The following LIN52 variants were observed in gnomAD, a reference collection of about 807,000 sequenced individuals.
The protein encoded by LIN52 is lin-52 DREAM MuvB core complex component.
LIN52 carries 4 observed loss-of-function variants against 18.5 expected under a neutral mutation model. That is an observed-to-expected ratio of 0.22 (90% CI 0.11 to 0.49). The LOEUF is 0.49. Among genes scored for constraint, LIN52 ranks in the 20% least tolerant of loss-of-function variants. LIN52 has a pLI of 0.97. For missense variants in LIN52, 102 were observed against 139.5 expected (o/e 0.73, Z 1.35); for synonymous variants, 34 against 45.5 (o/e 0.75, Z 1.02).
chr14:74,172,802 C>A (rs2061277191), intron 5 of LIN52, among the ~76,000 whole-genome samples: 1 of 152,158 alleles, frequency 6.6e-6, no homozygotes, highest in African/African-American at 2.4e-5. Flanking sequence ...TGAATGGCAA[C>A]CATGTAACTA....
chr14:74,172,392 A>G lies in LIN52; in HGVS notation c.284-26530A>G, dbSNP rs575214855. Among the ~76,000 whole-genome samples the G allele has an allele frequency of 2.6e-5, 4 of 152,334 alleles. No individual in the cohort carries two copies. In the East Asian group the frequency reaches 5.8e-4, roughly 22 times the overall value. On this transcript the variant is annotated intron_variant, in intron 5 of 5. Coordinates refer to ENST00000555028, the MANE Select transcript of LIN52 (RefSeq NM_001024674.3). The stretch of plus-strand genomic sequence containing the variant: ...TCTCTCTCTCAGTTCCTTCATTTAT[A>G]AAATGAGAATAATAAATTATATCTA...
intron 5 of LIN52, among the ~76,000 whole-genome samples, chr14:74,106,716 A>G (rs2060899141): frequency 6.6e-6 from 1 of 152,162 alleles, no homozygotes; most frequent in Non-Finnish European, 1.5e-5. Context: ...TCAGCCGTCC[A>G]AGTAGCTGAG....
chr14:74,167,527 A>G (rs12879392), intron 5 of LIN52, among the ~76,000 whole-genome samples: 1 of 152,104 alleles, frequency 6.6e-6, no homozygotes, highest in African/African-American at 2.4e-5. Flanking sequence ...CAGCCTCCCA[A>G]AGTGTTGGGA....
At chr14:74,190,189 A>T (rs1323499558) in intron 5 of LIN52, among the ~76,000 whole-genome samples, 2 of 152,116 alleles carry the variant, frequency 1.3e-5, no homozygotes, top group Non-Finnish European at 2.9e-5. Flanking sequence ...TGGCCACTGC[A>T]CGCTTTTGGA....
chr14:74,154,601 G>A (rs1015785668), intron 5 of LIN52, among the ~76,000 whole-genome samples: 15 of 152,062 alleles, frequency 9.9e-5, no homozygotes, highest in African/African-American at 3.4e-4. Context: ...CACCTATTGG[G>A]GCAGTTGGGA....
intron 5 of LIN52, among the ~76,000 whole-genome samples, chr14:74,189,688 G>C (rs773358701): frequency 3.3e-5 from 5 of 152,154 alleles, no homozygotes; most frequent in Non-Finnish European, 7.4e-5. Flanking sequence ...TGACAATTAA[G>C]ATTCTTCTAC....
chr14:74,175,752 C>CACCCA, intron 5 of LIN52, among the ~76,000 whole-genome samples: 1 of 116,138 alleles, frequency 8.6e-6, no homozygotes, highest in South Asian at 2.7e-4. Flanking sequence ...ACACACACAC[C>CACCCA]CCCATTATAC....
intron 5 of LIN52, among the ~76,000 whole-genome samples, chr14:74,156,874 C>T (rs2061200943): frequency 6.6e-6 from 1 of 152,104 alleles, no homozygotes; most frequent in Non-Finnish European, 1.5e-5. Context: ...TTAGCTTTTA[C>T]ATATGAGTGA....
At chr14:74,176,350 G>A (rs1440232348) in intron 5 of LIN52, among the ~76,000 whole-genome samples, 2 of 152,024 alleles carry the variant, frequency 1.3e-5, no homozygotes, top group African/African-American at 4.8e-5. Flanking sequence ...GACCTCAAGT[G>A]ATCCGCCTGC....
intron 2 of LIN52, among the ~76,000 whole-genome samples, 199 bp downstream of exon 2, chr14:74,091,505 A>G (rs918325984): frequency 1.3e-5 from 2 of 152,156 alleles, no homozygotes; most frequent in Admixed American, 6.5e-5. Flanking sequence ...TTGTTGGCTC[A>G]TGCCTGTAAT....
intron 5 of LIN52, among the ~76,000 whole-genome samples, chr14:74,122,250 T>G (rs1363740788): frequency 1.3e-5 from 2 of 152,236 alleles, no homozygotes; most frequent in African/African-American, 2.4e-5. Flanking sequence ...TTTTTGAGTT[T>G]GTTAATTATA....
intron 5 of LIN52, among the ~76,000 whole-genome samples, chr14:74,143,830 C>A (rs375860310): frequency 6.6e-6 from 1 of 152,056 alleles, no homozygotes; most frequent in Non-Finnish European, 1.5e-5. Flanking sequence ...ATATGTGATA[C>A]CTTACTGTTA....
At chr14:74,158,476 T>G (rs2061210459) in intron 5 of LIN52, among the ~76,000 whole-genome samples, 3 of 117,740 alleles carry the variant, frequency 2.5e-5, no homozygotes, top group South Asian at 4.7e-4. Flanking sequence ...ATTTATTTAC[T>G]TGTTTGTTTA....
At chr14:74,134,449 A>G (rs1595169775) in intron 5 of LIN52, among the ~76,000 whole-genome samples, 1 of 152,200 alleles carries the variant, frequency 6.6e-6, no homozygotes, top group East Asian at 1.9e-4. Context: ...ATGACCTCCT[A>G]GGATAACTGT....
chr14:74,100,686 G>C (rs1389535183), intron 4 of LIN52, among the ~76,000 whole-genome samples: 2 of 152,178 alleles, frequency 1.3e-5, no homozygotes, highest in African/African-American at 4.8e-5. Context: ...AGGTTGGCCA[G>C]GCTGGTCTCA....
chr14:74,198,716 A>C (rs2078929460), intron 5 of LIN52, among the ~76,000 whole-genome samples: 1 of 152,240 alleles, frequency 6.6e-6, no homozygotes, highest in Non-Finnish European at 1.5e-5. Flanking sequence ...CTCAATTGCC[A>C]ACTTCAGAAT....
intron 5 of LIN52, among the ~76,000 whole-genome samples, chr14:74,169,658 A>G (rs1026935647): frequency 2.6e-5 from 4 of 152,250 alleles, no homozygotes; most frequent in African/African-American, 9.6e-5. Flanking sequence ...TCTCTCACAC[A>G]TAAATAGTTC....
At chr14:74,165,214 G>GA (rs1165183855) in intron 5 of LIN52, among the ~76,000 whole-genome samples, 2 of 152,180 alleles carry the variant, frequency 1.3e-5, no homozygotes, top group Non-Finnish European at 2.9e-5. Context: ...ATAACCCTGA[G>GA]AAGATAGGAG....
At chr14:74,106,199 TAC>T (rs1047429279) in intron 5 of LIN52, among the ~76,000 whole-genome samples, 2 of 152,192 alleles carry the variant, frequency 1.3e-5, no homozygotes, top group African/African-American at 4.8e-5. Flanking sequence ...GGAACTATGT[TAC>T]AGTCACCTTC....
Sources: gnomAD v4.1 joint callset for allele counts (sites outside exome capture counted in the v4.1 genomes callset) on GRCh38, gnomAD v4.1.1 for gene constraint, MANE v1.5 for transcripts, NCBI Gene and HGNC (gene_info 2026-07-23, HGNC 2026-07-21) for gene names.